The following AFG1L variants were observed in gnomAD, a reference collection of about 807,000 sequenced individuals.
AFG1L encodes AFG1-like ATPase.
A neutral mutation model predicts 62.2 loss-of-function variants in AFG1L; 53 were observed. The ratio of observed to expected loss-of-function variants is 0.85; its 90% CI spans 0.68 to 1.07. AFG1L has a LOEUF of 1.07. Ranked by LOEUF, AFG1L falls within the 50% of genes least tolerant of loss-of-function variation. AFG1L has a pLI of 0.00. For synonymous variants in AFG1L, 228 were observed against 210.3 expected, an observed-to-expected ratio of 1.08 and a Z score of -0.73; for missense variants, 555 against 590.5, an observed-to-expected ratio of 0.94 and a Z score of 0.62.
At chr6:108,387,288 G>C (rs1562125278) in intron 6 of AFG1L, among the ~76,000 whole-genome samples, 1 of 152,250 alleles carries the variant, frequency 6.6e-6, no homozygotes, top group Non-Finnish European at 1.5e-5. Flanking sequence ...GCTTCCCAAG[G>C]TGGCGAAGGC....
intron 1 of AFG1L, among the ~76,000 whole-genome samples, chr6:108,298,029 A>G (rs984181615): frequency 3.2e-4 from 49 of 151,908 alleles, no homozygotes; most frequent in African/African-American, 1.2e-3. Context: ...TCTTCATAAA[A>G]CTCTATAAAA....
chr6:108,347,736 A>G (rs1582413312), intron 3 of AFG1L, among the ~76,000 whole-genome samples: 1 of 151,804 alleles, frequency 6.6e-6, no homozygotes, highest in East Asian at 1.9e-4. Context: ...CTCCTTGGCC[A>G]CCCTCAGCCA....
At chr6:108,375,339 G>T (rs1780197847) in intron 6 of AFG1L, among the ~76,000 whole-genome samples, 1 of 152,046 alleles carries the variant, frequency 6.6e-6, no homozygotes. Flanking sequence ...TTGCCTGATT[G>T]CTCTGGCTAG....
chr6:108,318,312 C>A, intron 1 of AFG1L: 2 of 397,244 alleles, frequency 5.0e-6, no homozygotes, highest in South Asian at 2.3e-5. Context: ...TGCGTTGAGC[C>A]CAACTGCAGA....
chr6:108,381,725 C>T (rs751184736), intron 6 of AFG1L, among the ~76,000 whole-genome samples: 7 of 152,048 alleles, frequency 4.6e-5, no homozygotes, highest in South Asian at 2.1e-4. Context: ...AAATATAATA[C>T]GACTGATTTA....
chr6:108,319,566 A>G (rs1777739751), intron 1 of AFG1L: 2 of 162,896 alleles, frequency 1.2e-5, no homozygotes, highest in Admixed American at 6.5e-5. Context: ...GGCGTGAGCC[A>G]CTGTGCTTGG....
intron 10 of AFG1L, among the ~76,000 whole-genome samples, chr6:108,488,325 T>C (rs1275491059): frequency 6.6e-6 from 1 of 152,108 alleles, no homozygotes; most frequent in Non-Finnish European, 1.5e-5. Context: ...AGTACATAGA[T>C]CACTAGAATG....
Position 108,510,248 on chromosome 6 carries a change from A to C in AFG1L, c.1099A>C (p.Asn367His). 6.2e-7 allele frequency: 1 copy of C among 1,610,954 alleles called. No homozygotes were observed. Among genetic ancestry groups the C allele is most frequent in the Non-Finnish European group, 8.5e-7 (1 of 1,178,204 alleles). ...CAGTGACTATTTGGAACTATCAAAG[A>C]ATTTTGATACAATATTTTTACGAAA... Reference protein sequence around the residue: ...GASDYLELSKNFDTIFLRNIP... With the variant: ...GASDYLELSKHFDTIFLRNIP... Residue 367 changes from asparagine to histidine, a missense_variant, in exon 11 of 13, where the codon AAT becomes CAT. Physicochemically the swap from Asn to His is moderately conservative, Grantham distance 68 (BLOSUM62 1). Transcript: ENST00000368977.
At chr6:108,507,329 A>C (rs1469153395) in intron 10 of AFG1L, among the ~76,000 whole-genome samples, 2 of 144,058 alleles carry the variant, frequency 1.4e-5, no homozygotes, top group East Asian at 3.9e-4. Context: ...GAATGTATTA[A>C]ACAACAATTC....
At chr6:108,473,635 G>A (rs1363557429) in intron 8 of AFG1L, among the ~76,000 whole-genome samples, 1 of 152,150 alleles carries the variant, frequency 6.6e-6, no homozygotes, top group Non-Finnish European at 1.5e-5. Context: ...TTGGCTCACT[G>A]CAACCTGCGC....
intron 7 of AFG1L, among the ~76,000 whole-genome samples, chr6:108,437,376 C>G (rs1480273154): frequency 2.0e-5 from 3 of 152,172 alleles, no homozygotes; most frequent in African/African-American, 7.2e-5. Flanking sequence ...TTTGGCACCT[C>G]TGAGAGAGAG....
At chr6:108,444,217 A>G (rs933532371) in intron 7 of AFG1L, among the ~76,000 whole-genome samples, 2 of 152,212 alleles carry the variant, frequency 1.3e-5, no homozygotes, top group Non-Finnish European at 2.9e-5. Context: ...GTGCATATAA[A>G]GGTTATATTT....
intron 6 of AFG1L, among the ~76,000 whole-genome samples, chr6:108,389,793 C>G (rs546668213): frequency 6.6e-6 from 1 of 152,308 alleles, no homozygotes; most frequent in South Asian, 2.1e-4. Context: ...CGACCTTTCT[C>G]TCTGGGTGCC....
At position 108,311,397 on chromosome 6, in the gene AFG1L, C is replaced by T. The variant is rs921799737; in HGVS notation, c.140-12428C>T. On this transcript the variant is annotated intron_variant, in intron 1 of 12. Transcript: ENST00000368977. ...CCCTAACCTAGATTACTAGCTTTGG[C>T]CCTGTGATCTTACAGCATCTGCCCG... is the stretch of plus-strand genomic sequence containing the variant. Among the ~76,000 whole-genome samples, 19 of 152,324 alleles carry T rather than the reference C, an allele frequency of 1.2e-4. 1 individual carries two copies. Among genetic ancestry groups the T allele is most frequent in the Admixed American group, 1.0e-3 (16 of 15,308 alleles).
intron 3 of AFG1L, among the ~76,000 whole-genome samples, chr6:108,348,966 A>G (rs1429399652): frequency 1.3e-5 from 2 of 152,152 alleles, no homozygotes; most frequent in Non-Finnish European, 2.9e-5. Context: ...ATACAGCCAT[A>G]TGGTAACTAA....
chr6:108,438,496 G>A (rs1771406705), intron 7 of AFG1L, among the ~76,000 whole-genome samples: 1 of 152,064 alleles, frequency 6.6e-6, no homozygotes, highest in Admixed American at 6.6e-5. Flanking sequence ...GAGGTACTGA[G>A]AGAGTTTCAA....
At position 108,295,217 on chromosome 6, in the gene AFG1L, A is replaced by G. The variant is rs774028395; in HGVS notation, c.138A>G (p.Lys46=). The change falls in exon 1 of 13, where the codon AAA becomes AAG. Residue 46 remains lysine (K), a splice_region_variant and synonymous_variant. Coordinates refer to ENST00000368977, the MANE Select transcript of AFG1L (RefSeq NM_145315.5). ...LATAPGKPFW[K]AYTVQTSESM... ...CCGCCCCTGGGAAGCCCTTTTGGAA[A>G]GGTCAGTGACTGTGCCATGAGTAGT... 1 of 1,602,178 alleles carries G rather than the reference A, an allele frequency of 6.2e-7. No individual in the cohort carries two copies. Among genetic ancestry groups the G allele is most frequent in the Admixed American group, 1.7e-5 (1 of 59,782 alleles).
chr6:108,317,786 A>G (rs1777661294), intron 1 of AFG1L, among the ~76,000 whole-genome samples: 1 of 152,176 alleles, frequency 6.6e-6, no homozygotes, highest in African/African-American at 2.4e-5. Flanking sequence ...AATTCATCCT[A>G]AAGTTAGCTT....
At chr6:108,374,034 C>T (rs1192290040) in intron 6 of AFG1L, among the ~76,000 whole-genome samples, 3 of 152,142 alleles carry the variant, frequency 2.0e-5, no homozygotes, top group Admixed American at 2.0e-4. Context: ...GCCATTCTGA[C>T]TGGTGTGAGA....
Sources: allele counts gnomAD v4.1 joint callset (sites outside exome capture counted in the v4.1 genomes callset), GRCh38; gene constraint gnomAD v4.1.1; transcripts MANE v1.5; gene names NCBI Gene and HGNC (gene_info 2026-07-23, HGNC 2026-07-21).